Variants in CSNK1A1 observed in about 807,000 individuals in gnomAD.
CSNK1A1 encodes casein kinase I isoform alpha.
In CSNK1A1, 7 loss-of-function variants were observed where a neutral mutation model predicts 46.1. The ratio of observed to expected loss-of-function variants is 0.15; its 90% confidence interval spans 0.09 to 0.29. The LOEUF is 0.29. Among genes scored for constraint, CSNK1A1 ranks in the 10% least tolerant of loss-of-function variants. CSNK1A1 has a pLI of 1.00. For synonymous variants in CSNK1A1, 137 were observed against 141.5 expected, an observed-to-expected ratio of 0.97 and a Z score of 0.23; for missense variants, 96 against 417.1, an observed-to-expected ratio of 0.23 and a Z score of 6.71.
In CSNK1A1 at chr5:149,524,650, T is replaced by G. The variant is rs372442437; in HGVS notation, c.357+395A>C. Among the ~76,000 whole-genome samples, 4 of 152,290 alleles carry G rather than the reference T, an allele frequency of 2.6e-5. No homozygotes were observed. The South Asian group carries it at 6.2e-4, about 24-fold the overall frequency. On this transcript the variant is annotated intron_variant, in intron 3 of 9. Coordinates refer to ENST00000377843, the MANE Select transcript of CSNK1A1 (RefSeq NM_001892.6). ...CAGGACCTTTTTATCCTCAAAAATA[T>G]AGCTTTTCTAAGAGTCCCACACATA...
intron 2 of CSNK1A1, among the ~76,000 whole-genome samples, chr5:149,549,068 C>A (rs984017888): frequency 6.6e-6 from 1 of 152,186 alleles, no homozygotes; most frequent in Non-Finnish European, 1.5e-5. Context: ...ATCTCGTCAT[C>A]TTTTATCCTC....
chr5:149,539,434 C>G (rs927073161), intron 2 of CSNK1A1, among the ~76,000 whole-genome samples: 2 of 150,650 alleles, frequency 1.3e-5, no homozygotes, highest in Non-Finnish European at 1.5e-5. Flanking sequence ...CCACTATACT[C>G]CAGGCCTAGG....
At chr5:149,520,218 G>T in intron 4 of CSNK1A1, 72 bp downstream of exon 4, 1 of 967,344 alleles carries the variant, frequency 1.0e-6, no homozygotes, top group Non-Finnish European at 1.6e-6. Flanking sequence ...TTAAAAGATT[G>T]AAAAGTTTAC....
intron 8 of CSNK1A1, 86 bp downstream of exon 8, chr5:149,506,941 T>C: frequency 1.0e-6 from 1 of 984,548 alleles, no homozygotes; most frequent in East Asian, 2.6e-5. Context: ...TGCTTTACTT[T>C]AGTATTTATC....
intron 4 of CSNK1A1, among the ~76,000 whole-genome samples, chr5:149,515,786 C>T (rs1354176253): frequency 1.3e-5 from 2 of 152,042 alleles, no homozygotes; most frequent in African/African-American, 4.8e-5. Context: ...GCCAAAGATA[C>T]AACCAAAAAG....
intron 9 of CSNK1A1, chr5:149,503,818 G>T: frequency 1.0e-6 from 1 of 985,372 alleles, no homozygotes. Context: ...CTGAATGCCT[G>T]AAGTAAAATG....
intron 6 of CSNK1A1, among the ~76,000 whole-genome samples, chr5:149,511,120 G>A (rs761172295): frequency 1.3e-5 from 2 of 152,148 alleles, no homozygotes; most frequent in Admixed American, 6.5e-5. Context: ...GAGCCCAAGA[G>A]TTTGAGACCA....
intron 2 of CSNK1A1, among the ~76,000 whole-genome samples, chr5:149,539,648 T>C (rs555086997): frequency 2.4e-4 from 36 of 152,200 alleles, no homozygotes; most frequent in Non-Finnish European, 4.9e-4. Flanking sequence ...CTGGGGAGCT[T>C]TTAAAAATCA....
intron 2 of CSNK1A1, chr5:149,549,393 G>C: frequency 2.9e-6 from 2 of 678,442 alleles, no homozygotes; most frequent in Middle Eastern, 2.3e-4. Context: ...CAACAATTTC[G>C]TGTCACATCT....
In CSNK1A1 at chr5:149,494,414, C is replaced by T. The variant is rs1760600771; in HGVS notation, c.*2439G>A. 6.6e-6 allele frequency: 1 copy of T among 152,112 alleles called. No homozygotes were observed. The highest frequency in any genetic ancestry group is 2.4e-5 in the African/African-American group (1 of 41,414). The allele number at this position is 152,112 out of a possible 1,614,324, so 9.4% of individuals were successfully genotyped here. A position where few individuals can be genotyped will look rare whatever the true frequency, so the allele number is the denominator to read the frequency against. On this transcript the variant is annotated 3_prime_UTR_variant, in exon 10 of 10. Coordinates refer to ENST00000377843, the MANE Select transcript of CSNK1A1 (RefSeq NM_001892.6). ...ATTCAACAGTAGTTAGAATGGCCAT[C>T]TCCCAACATTTTAAAAAAACTGCAC...
At chr5:149,508,492 T>C (rs1761107946) in intron 7 of CSNK1A1, among the ~76,000 whole-genome samples, 1 of 152,236 alleles carries the variant, frequency 6.6e-6, no homozygotes, top group African/African-American at 2.4e-5. Context: ...CTTTCTTGTC[T>C]GAAAGACCAT....
In CSNK1A1 at chr5:149,530,694, G is replaced by A. The variant is rs74637186; in HGVS notation, c.231-5523C>T. 0.016 allele frequency among the ~76,000 whole-genome samples: 2,454 copies of A among 152,112 alleles called. 268 individuals carry two copies. The East Asian group carries it at 0.32, about 20-fold the overall frequency. ...ACAGTTCCAGCTACTCAGGCCAGGCGCGGTGGCTCACGCCTGTAATCCCAG... is the reference window on the plus strand; with the variant it reads ...ACAGTTCCAGCTACTCAGGCCAGGCACGGTGGCTCACGCCTGTAATCCCAG... On this transcript the variant is annotated intron_variant, in intron 2 of 9. Coordinates refer to ENST00000377843, the MANE Select transcript of CSNK1A1 (RefSeq NM_001892.6).
chr5:149,549,172 T>C (rs2113210793), intron 2 of CSNK1A1, among the ~76,000 whole-genome samples: 2 of 152,334 alleles, frequency 1.3e-5, no homozygotes, highest in South Asian at 4.1e-4. Context: ...CAGGTTAAAA[T>C]TACTTATCAA....
intron 2 of CSNK1A1, among the ~76,000 whole-genome samples, chr5:149,530,964 T>TTAAAAAAAAAAA (rs1190037686): frequency 3.4e-3 from 3 of 890 alleles, no homozygotes; most frequent in Non-Finnish European, 5.6e-3. Context: ...AGACTCTGTC[T>TTAAAAAAAAAAA]CAAAAAAAAA....
rs962059062 is a variant in CSNK1A1 at position 149,493,662 on chromosome 5, G to T, written c.*3191C>A. ...GATTGTCATTAAGAATATTACAATA[G>T]AAATGGAAGTTTTGAGGAGGAAGAA... On this transcript the variant is annotated 3_prime_UTR_variant, in exon 10 of 10. Transcript: ENST00000377843. 5 of 151,238 alleles carry T rather than the reference G, an allele frequency of 3.3e-5. No individual in the cohort carries two copies. Among genetic ancestry groups the T allele is most frequent in the African/African-American group, 9.7e-5 (4 of 41,154 alleles). 9.4% of individuals were successfully genotyped at this position (151,238 alleles called of 1,614,324 possible).
intron 2 of CSNK1A1, among the ~76,000 whole-genome samples, chr5:149,535,279 CACTT>C (rs1762028900): frequency 6.6e-6 from 1 of 152,214 alleles, no homozygotes; most frequent in South Asian, 2.1e-4. Flanking sequence ...TCTCCACTAT[CACTT>C]ACATGCTGAT....
chr5:149,516,221 G>C (rs1012904368), intron 4 of CSNK1A1, among the ~76,000 whole-genome samples: 1 of 151,902 alleles, frequency 6.6e-6, no homozygotes, highest in Non-Finnish European at 1.5e-5. Context: ...TCGGGAGGCT[G>C]AGACAGAATT....
chr5:149,524,617 T>C (rs1761673492), intron 3 of CSNK1A1, among the ~76,000 whole-genome samples: 1 of 152,180 alleles, frequency 6.6e-6, no homozygotes. Flanking sequence ...TTCTTCCTTA[T>C]ATTACTTCAG....
intron 2 of CSNK1A1, among the ~76,000 whole-genome samples, chr5:149,534,832 G>C (rs1392389838): frequency 1.3e-5 from 2 of 150,056 alleles, no homozygotes; most frequent in African/African-American, 2.5e-5. Context: ...GCTGAGGCAG[G>C]AGGATCACTT....
Sources: allele counts gnomAD v4.1 joint callset (sites outside exome capture counted in the v4.1 genomes callset), GRCh38; gene constraint gnomAD v4.1.1; transcripts MANE v1.5; gene names NCBI Gene and HGNC (gene_info 2026-07-23, HGNC 2026-07-21).